BRD7: variants seen among roughly 807,000 people sequenced by gnomAD.
BRD7 encodes the protein bromodomain-containing protein 7.
BRD7 carries 15 observed loss-of-function variants against 82.1 expected under a neutral mutation model. The ratio of observed to expected loss-of-function variants is 0.18; its 90% CI spans 0.12 to 0.28. The LOEUF (loss-of-function observed/expected upper bound fraction) is 0.28. Ranked by LOEUF, BRD7 falls within the 10% of genes least tolerant of loss-of-function variation. BRD7 has a pLI of 1.00. For missense variants in BRD7, 638 were observed against 779.9 expected (o/e 0.82, Z 2.17); for synonymous variants, 232 against 266.9 (o/e 0.87, Z 1.27).
Position 50,319,024 on chromosome 16 carries a change from C to T in BRD7, c.*187G>A. On this transcript the variant is annotated 3_prime_UTR_variant, in exon 17 of 17. Transcript: ENST00000394688. ...GTATGGCAACAGCCCCAAGCACATTCCTTCCTCACGAGTCCCAGGTCCAGC... is the reference window on the plus strand; with the variant it reads ...GTATGGCAACAGCCCCAAGCACATTTCTTCCTCACGAGTCCCAGGTCCAGC... 1.7e-6 allele frequency: 1 copy of T among 583,698 alleles called. No individual in the cohort carries two copies. Among genetic ancestry groups the T allele is most frequent in the South Asian group, 2.3e-5 (1 of 42,822 alleles). 36.2% of individuals were successfully genotyped at this position (583,698 alleles called of 1,614,324 possible).
At chr16:50,343,465 G>T (rs965956963) in intron 5 of BRD7, among the ~76,000 whole-genome samples, 1 of 152,242 alleles carries the variant, frequency 6.6e-6, no homozygotes, top group African/African-American at 2.4e-5. Flanking sequence ...TTGTCGGACA[G>T]TGGGTGCAGC....
chr16:50,365,955 A>C (rs1295948035), intron 2 of BRD7, among the ~76,000 whole-genome samples: 2 of 150,894 alleles, frequency 1.3e-5, no homozygotes, highest in Admixed American at 6.6e-5. Context: ...ATTCATTGTG[A>C]AATGTCAGAA....
rs1345622615 is a variant in BRD7 at position 50,316,085 on chromosome 16, C to G, written c.*3126G>C. ...CACAATTAACACTGTTACTTTTTGC[C>G]TTGTCTGGCATGTTTGTTTTAAATG... On this transcript the variant is annotated 3_prime_UTR_variant, in exon 17 of 17. Transcript: ENST00000394688. 1 of 152,732 alleles carries G rather than the reference C, an allele frequency of 6.5e-6. No individual in the cohort carries two copies. Among genetic ancestry groups the G allele is most frequent in the Non-Finnish European group, 1.5e-5 (1 of 68,404 alleles). The allele number at this position is 152,732 out of a possible 1,614,324, so 9.5% of individuals were successfully genotyped here. A position where few individuals can be genotyped will look rare whatever the true frequency, so the allele number is the denominator to read the frequency against.
At chr16:50,320,834 T>C (rs2037493194) in intron 13 of BRD7, 60 bp from the exon 14 acceptor site, 3 of 1,142,396 alleles carry the variant, frequency 2.6e-6, no homozygotes, top group African/African-American at 3.1e-5. Flanking sequence ...CAGTGTTAAC[T>C]AGAAATTACT....
chr16:50,354,766 G>A (rs751400057), intron 3 of BRD7, 27 bp downstream of exon 3: 2 of 1,603,970 alleles, frequency 1.2e-6, no homozygotes, highest in Non-Finnish European at 1.7e-6. Flanking sequence ...TCCTCATTCA[G>A]GATAGTTAAT....
chr16:50,363,660 TGCGCGCGCGCGC>T (rs1555472868), intron 2 of BRD7, among the ~76,000 whole-genome samples: 11 of 102,402 alleles, frequency 1.1e-4, no homozygotes, highest in Non-Finnish European at 2.2e-4. Context: ...TGTGTGTGTG[TGCGCGCGCGCGC>T]GTGCGCGTGT....
At chr16:50,356,694 G>A (rs1201810394) in intron 2 of BRD7, among the ~76,000 whole-genome samples, 1 of 144,076 alleles carries the variant, frequency 6.9e-6, no homozygotes, top group East Asian at 2.0e-4. Context: ...ATCTCTGTCT[G>A]CCCTCTTCTT....
At chr16:50,322,469 A>T (rs1253253147) in intron 12 of BRD7, among the ~76,000 whole-genome samples, 2 of 152,222 alleles carry the variant, frequency 1.3e-5, no homozygotes, top group Non-Finnish European at 2.9e-5. Context: ...AAAGCTTCCC[A>T]ATCTTGCTCT....
At chr16:50,320,451 G>C in intron 14 of BRD7, 60 bp from the exon 15 acceptor site, 1 of 1,570,058 alleles carries the variant, frequency 6.4e-7, no homozygotes, top group South Asian at 1.2e-5. Context: ...CCGAATCCTA[G>C]GCTCTAGGGC....
chr16:50,359,626 TAA>T (rs373852234), intron 2 of BRD7, among the ~76,000 whole-genome samples: 1 of 151,948 alleles, frequency 6.6e-6, no homozygotes, highest in Admixed American at 6.6e-5. Context: ...AATAACTCAT[TAA>T]AAAAAATAAA....
At position 50,340,058 on chromosome 16, in the gene BRD7, G is replaced by A; in HGVS notation, c.620C>T (p.Ala207Val). 1 of 1,575,304 alleles carries A rather than the reference G, an allele frequency of 6.3e-7. No individual in the cohort carries two copies. Among genetic ancestry groups the A allele is most frequent in the Non-Finnish European group, 8.6e-7 (1 of 1,160,528 alleles). ...GGTCTCTGGTTTATTGTAAATCATG[G>A]CATTAGTACACATTAGTTTGAAGTT... is the stretch of plus-strand genomic sequence containing the variant. ...KDNFKLMCTN[A>V]MIYNKPETIY... Residue 207 changes from alanine to valine, a missense_variant, in exon 6 of 17, where the codon GCC becomes GTC. Transcript: ENST00000394688.
chr16:50,324,772 T>C (rs1334615125), intron 11 of BRD7, among the ~76,000 whole-genome samples: 1 of 152,266 alleles, frequency 6.6e-6, no homozygotes, highest in East Asian at 1.9e-4. Flanking sequence ...TCCAAAGCAC[T>C]TGTCATCATT....
chr16:50,328,405 A>T (rs1450990236), intron 9 of BRD7, among the ~76,000 whole-genome samples: 1 of 152,210 alleles, frequency 6.6e-6, no homozygotes, highest in African/African-American at 2.4e-5. Context: ...TTACTATCTA[A>T]AAGTTATGGC....
At chr16:50,347,363 C>T (rs925111037) in intron 5 of BRD7, among the ~76,000 whole-genome samples, 3 of 152,200 alleles carry the variant, frequency 2.0e-5, no homozygotes, top group African/African-American at 7.2e-5. Context: ...ACAGGGATGA[C>T]CTCTCTCACC....
intron 10 of BRD7, 72 bp from the exon 11 acceptor site, chr16:50,325,955 ATTAT>A: frequency 7.0e-7 from 1 of 1,432,018 alleles, no homozygotes; most frequent in Non-Finnish European, 9.4e-7. Context: ...TTACCAAAAG[ATTAT>A]TTATTCTCTC....
chr16:50,368,282 G>T lies in BRD7; in HGVS notation c.66C>A (p.Pro22=), dbSNP rs35799832. 2 of 1,613,994 alleles carry T rather than the reference G, an allele frequency of 1.2e-6. No homozygotes were observed. Among genetic ancestry groups the T allele is most frequent in the African/African-American group, 2.7e-5 (2 of 74,910 alleles). Residue 22 remains proline, a synonymous_variant, in exon 2 of 17, where the codon CCC becomes CCA. Coordinates refer to ENST00000394688, the MANE Select transcript of BRD7 (RefSeq NM_013263.5). ...CTCCTACTTTGAGGACCAGCTTCAA[G>T]GGCTTCTCTACATACTCTTAAAAAA... ...KHLYEEYVEK[P]LKLVLKVGGN... is the part of the protein sequence containing the mutation.
In BRD7 at chr16:50,319,096, G is replaced by T. The variant is rs943688391; in HGVS notation, c.*115C>A. 9.4e-7 allele frequency: 1 copy of T among 1,066,796 alleles called. No individual in the cohort carries two copies. Among genetic ancestry groups the T allele is most frequent in the Non-Finnish European group, 1.4e-6 (1 of 739,230 alleles). The allele number at this position is 1,066,796 out of a possible 1,614,324, so 66.1% of individuals were successfully genotyped here. A position where few individuals can be genotyped will look rare whatever the true frequency, so the allele number is the denominator to read the frequency against. The stretch of plus-strand genomic sequence containing the variant: ...AACCTCTGGAACATCCAAATTCGCT[G>T]TTCCAAAGTTTAATTAAAAACACAA... On this transcript the variant is annotated 3_prime_UTR_variant, in exon 17 of 17. Coordinates refer to ENST00000394688, the MANE Select transcript of BRD7 (RefSeq NM_013263.5).
At chr16:50,337,108 G>C (rs748584392) in intron 6 of BRD7, among the ~76,000 whole-genome samples, 1 of 152,120 alleles carries the variant, frequency 6.6e-6, no homozygotes, top group African/African-American at 2.4e-5. Flanking sequence ...AAAGGGTAGA[G>C]CTAGGACTTG....
In BRD7 at chr16:50,360,936, A is replaced by C. The variant is rs1487801148; in HGVS notation, c.259-6014T>G. ...GGTTTTCTGCCAAGGCAGATAAGCC[A>C]CAACAGCCCAGAGATGCCAGGTGTG... On this transcript the variant is annotated intron_variant, in intron 2 of 16. Coordinates refer to ENST00000394688, the MANE Select transcript of BRD7 (RefSeq NM_013263.5). Among the ~76,000 whole-genome samples the C allele has an allele frequency of 2.6e-5, 4 of 152,192 alleles. No individual in the cohort carries two copies. The East Asian group carries it at 7.7e-4, about 29-fold the overall frequency.
Sources: allele counts gnomAD v4.1 joint callset (sites outside exome capture counted in the v4.1 genomes callset), GRCh38; gene constraint gnomAD v4.1.1; transcripts MANE v1.5; gene names NCBI Gene and HGNC (gene_info 2026-07-23, HGNC 2026-07-21).